Variants in TRPC4AP observed in about 807,000 individuals in gnomAD.
TRPC4AP encodes short transient receptor potential channel 4-associated protein.
Under a neutral mutation model 99.0 loss-of-function variants are expected in TRPC4AP, and 45 were observed. The observed-to-expected ratio is 0.45, with a 90% CI of 0.36 to 0.58. The LOEUF (loss-of-function observed/expected upper bound fraction) is 0.58, where lower values mean the gene tolerates loss of function less well. Among genes scored for constraint, TRPC4AP ranks in the 20% least tolerant of loss-of-function variants. TRPC4AP has a pLI of 0.00. For missense variants in TRPC4AP, 879 were observed against 985.3 expected, an observed-to-expected ratio of 0.89 and a Z score of 1.44; for synonymous variants, 408 against 385.8, an observed-to-expected ratio of 1.06 and a Z score of -0.67.
At chr20:35,055,115 C>A in intron 4 of TRPC4AP, 84 bp from the exon 5 acceptor site, 6 of 1,162,946 alleles carry the variant, frequency 5.2e-6, no homozygotes, top group Non-Finnish European at 7.7e-6. Flanking sequence ...AGCATAAGAA[C>A]TGTTATAATC....
intron 4 of TRPC4AP, among the ~76,000 whole-genome samples, chr20:35,055,433 T>C (rs1201203031): frequency 1.3e-5 from 2 of 152,234 alleles, no homozygotes; most frequent in Non-Finnish European, 2.9e-5. Context: ...TGTGTATCCT[T>C]TTCATGTTTG....
chr20:35,073,870 T>C (rs1056559901), intron 2 of TRPC4AP, among the ~76,000 whole-genome samples: 103 of 152,226 alleles, frequency 6.8e-4, no homozygotes, highest in African/African-American at 2.5e-3. Context: ...GTACCTCTGG[T>C]AGAATTCGGC....
At chr20:35,011,307 C>T (rs1170194592) in intron 11 of TRPC4AP, among the ~76,000 whole-genome samples, 1 of 152,094 alleles carries the variant, frequency 6.6e-6, no homozygotes, top group African/African-American at 2.4e-5. Flanking sequence ...ACCCACTGAA[C>T]CTCCTAGCTT....
rs33911641 is a variant in TRPC4AP at position 35,089,040 on chromosome 20, C to CTTTTT, written c.168+3569_168+3573dup. On this transcript the variant is annotated intron_variant, in intron 1 of 18. Coordinates refer to ENST00000252015, the MANE Select transcript of TRPC4AP (RefSeq NM_015638.3). Reference sequence around the variant, plus strand: ...TACTTCACATTACTTAACTATACACCTTTTTTTTTTAAGATACAGGGTTTC... The same window carrying CTTTTT: ...TACTTCACATTACTTAACTATACACCTTTTTTTTTTTTTTTAAGATACAGGGTTTC... Among the ~76,000 whole-genome samples, 331 of 147,660 alleles carry CTTTTT rather than the reference C, an allele frequency of 2.2e-3. 1 individual carries two copies. The highest frequency in any genetic ancestry group is 0.011 in the Middle Eastern group (3 of 282).
chr20:35,003,655 G>C (rs779270593), intron 17 of TRPC4AP, 39 bp from the exon 18 acceptor site: 3 of 1,588,122 alleles, frequency 1.9e-6, no homozygotes, highest in Non-Finnish European at 8.6e-7. Flanking sequence ...GGGCTGGTGG[G>C]AGCCCCAGTG....
intron 1 of TRPC4AP, among the ~76,000 whole-genome samples, chr20:35,084,990 A>G (rs905697539): frequency 5.3e-5 from 8 of 152,196 alleles, no homozygotes; most frequent in Non-Finnish European, 1.2e-4. Flanking sequence ...GAAGGAATCG[A>G]ATGTGTGAAT....
chr20:35,003,359 G>A (rs564432488), intron 18 of TRPC4AP, 51 bp downstream of exon 18: 2 of 1,610,530 alleles, frequency 1.2e-6, no homozygotes, highest in Admixed American at 1.7e-5. Flanking sequence ...CCCTCTGAGA[G>A]GCCCTGGGTC....
Position 35,016,098 on chromosome 20 carries a change from A to T in TRPC4AP, c.1260T>A (p.Leu420=). Residue 420 remains leucine, a synonymous_variant, in exon 10 of 19, where the codon CTT becomes CTA. Coordinates refer to ENST00000252015, the MANE Select transcript of TRPC4AP (RefSeq NM_015638.3). ...AAATCAGTTTGTCAAACAAATTATTAAGTCCAGGGATCAGCTTGAACTCTG... is the reference window on the plus strand; with the variant it reads ...AAATCAGTTTGTCAAACAAATTATTTAGTCCAGGGATCAGCTTGAACTCTG... ...MIAEFKLIPG[L]NNLFDKLIWR... 6.2e-7 allele frequency: 1 copy of T among 1,614,216 alleles called. No homozygotes were observed. Among genetic ancestry groups the T allele is most frequent in the Middle Eastern group, 1.6e-4 (1 of 6,062 alleles).
At chr20:35,028,357 G>A (rs997017009) in intron 8 of TRPC4AP, among the ~76,000 whole-genome samples, 28 of 151,914 alleles carry the variant, frequency 1.8e-4, no homozygotes, top group African/African-American at 6.5e-4. Context: ...CTCCCAAAGG[G>A]CTGGGACTAC....
chr20:35,054,855 C>T, intron 5 of TRPC4AP, 121 bp downstream of exon 5: 1 of 826,812 alleles, frequency 1.2e-6, no homozygotes, highest in Non-Finnish European at 1.9e-6. Context: ...TAAAATAAGC[C>T]CGATTCCCCC....
In TRPC4AP at chr20:35,007,603, C is replaced by T; in HGVS notation, c.1633G>A (p.Gly545Arg). 6.2e-7 allele frequency: 1 copy of T among 1,614,226 alleles called. No individual in the cohort carries two copies. Among genetic ancestry groups the T allele is most frequent in the Non-Finnish European group, 8.5e-7 (1 of 1,180,030 alleles). ...ATCTGGTCTGCATAGGAGGTGGTCC[C>T]TCGGAGGAAACTCTCCACAGCCCGA... Reference protein sequence around the residue: ...QARAVESFLRGTTSYADQMFL... With the variant: ...QARAVESFLRRTTSYADQMFL... The change falls in exon 14 of 19, where the codon GGG becomes AGG. Residue 545 changes from glycine to arginine, a missense_variant. Around this residue, in one of 3 missense-constraint regions of TRPC4AP, gnomAD observed 52 missense variants for 88.7 expected, o/e 0.59. Transcript: ENST00000252015.
chr20:35,085,571 A>G (rs1236717178), intron 1 of TRPC4AP, among the ~76,000 whole-genome samples: 1 of 148,970 alleles, frequency 6.7e-6, no homozygotes, highest in Non-Finnish European at 1.5e-5. Context: ...TTTTTTCACC[A>G]CTACACTCCA....
At chr20:35,068,312 T>A (rs925783333) in intron 3 of TRPC4AP, among the ~76,000 whole-genome samples, 1 of 152,228 alleles carries the variant, frequency 6.6e-6, no homozygotes, top group Non-Finnish European at 1.5e-5. Context: ...CCTGGGGATA[T>A]AAACTGACAA....
intron 3 of TRPC4AP, among the ~76,000 whole-genome samples, chr20:35,063,654 T>C (rs2084065717): frequency 6.6e-6 from 1 of 151,764 alleles, no homozygotes; most frequent in African/African-American, 2.4e-5. Flanking sequence ...AGACCAGGAG[T>C]TGGAGACTGC....
chr20:35,045,764 T>G (rs1054183071), intron 6 of TRPC4AP, among the ~76,000 whole-genome samples: 1 of 152,108 alleles, frequency 6.6e-6, no homozygotes, highest in African/African-American at 2.4e-5. Flanking sequence ...GGTCTTGAAC[T>G]CCTGACCTCA....
chr20:35,003,168 T>C lies in TRPC4AP; in HGVS notation c.2372A>G (p.Asp791Gly), dbSNP rs776308875. ...SYIEEPYMDI[D>G]RDFTEE ...AGGTCACTCCTCAGTGAAGTCCCTG[T>C]CTATGTCCATGTAGGGCTCCTCAAT... Residue 791 changes from aspartate (D) to glycine (G), a missense_variant, in exon 19 of 19, where the codon GAC (aspartate) becomes GGC (glycine). This residue lies in a region of TRPC4AP where 224 missense variants were observed against 264.7 expected (regional missense o/e 0.85). Coordinates refer to ENST00000252015, the MANE Select transcript of TRPC4AP (RefSeq NM_015638.3). The C allele has an allele frequency of 1.4e-5, 23 of 1,614,068 alleles. No individual in the cohort carries two copies. The highest frequency in any genetic ancestry group is 2.7e-5 in the African/African-American group (2 of 74,948).
intron 10 of TRPC4AP, 31 bp downstream of exon 10, chr20:35,015,977 C>A (rs749229112): frequency 4.3e-6 from 7 of 1,613,542 alleles, no homozygotes; most frequent in Non-Finnish European, 5.9e-6. Context: ...GCCAGTGAGG[C>A]CCCATCTGTC....
chr20:35,014,915 C>T (rs1436906853), intron 10 of TRPC4AP, among the ~76,000 whole-genome samples: 1 of 152,224 alleles, frequency 6.6e-6, no homozygotes, highest in Non-Finnish European at 1.5e-5. Flanking sequence ...TCCAACAAGC[C>T]TTCCAATGTC....
At chr20:35,055,430 C>A (rs1269702647) in intron 4 of TRPC4AP, among the ~76,000 whole-genome samples, 2 of 152,072 alleles carry the variant, frequency 1.3e-5, no homozygotes, top group Non-Finnish European at 2.9e-5. Flanking sequence ...ATATGTGTAT[C>A]CTTTTCATGT....
Sources: allele counts gnomAD v4.1 joint callset (sites outside exome capture counted in the v4.1 genomes callset), GRCh38; gene constraint gnomAD v4.1.1; regional missense constraint gnomAD v4.1.1; transcripts MANE v1.5; gene names NCBI Gene and HGNC (gene_info 2026-07-23, HGNC 2026-07-21).